The following RBMS3 variants were observed in gnomAD, a reference collection of about 807,000 sequenced individuals.
RBMS3 encodes RNA binding motif single stranded interacting protein 3.
RBMS3 carries 27 observed loss-of-function variants against 66.8 expected under a neutral mutation model. The ratio of observed to expected loss-of-function variants is 0.40; its 90% confidence interval spans 0.30 to 0.56. RBMS3 has a LOEUF of 0.56. Among genes scored for constraint, RBMS3 ranks in the 20% least tolerant of loss-of-function variants. The pLI is 0.40. For missense variants in RBMS3, 513 were observed against 549.5 expected, an observed-to-expected ratio of 0.93 and a Z score of 0.66; for synonymous variants, 188 against 183.0, an observed-to-expected ratio of 1.03 and a Z score of -0.22.
chr3:29,360,154 G>C (rs2037483794), intron 1 of RBMS3, among the ~76,000 whole-genome samples: 1 of 151,890 alleles, frequency 6.6e-6, no homozygotes, highest in South Asian at 2.1e-4. Context: ...GTCAATTTTA[G>C]ATCTTTTCTG....
At chr3:29,951,467 TAG>T (rs1365380666) in intron 12 of RBMS3, among the ~76,000 whole-genome samples, 6 of 120,524 alleles carry the variant, frequency 5.0e-5, no homozygotes, top group Non-Finnish European at 1.0e-4. Flanking sequence ...TCCTTAAGAG[TAG>T]AGAGTATATA....
intron 6 of RBMS3, among the ~76,000 whole-genome samples, chr3:29,827,031 G>A (rs1280573941): frequency 6.6e-6 from 1 of 152,072 alleles, no homozygotes; most frequent in Non-Finnish European, 1.5e-5. Flanking sequence ...CACAGAATTT[G>A]GAATTAGAAT....
intron 4 of RBMS3, among the ~76,000 whole-genome samples, chr3:29,626,759 CA>C (rs2049077354): frequency 3.9e-5 from 6 of 152,068 alleles, no homozygotes; most frequent in Admixed American, 3.9e-4. Context: ...GTAAATAGAA[CA>C]AGGACATAGT....
chr3:29,621,856 A>C (rs1229072402), intron 4 of RBMS3, among the ~76,000 whole-genome samples: 1 of 152,154 alleles, frequency 6.6e-6, no homozygotes, highest in Non-Finnish European at 1.5e-5. Flanking sequence ...AAAGAAAAAA[A>C]CCCACTTTAT....
intron 14 of RBMS3, among the ~76,000 whole-genome samples, chr3:30,002,505 G>C (rs1354798666): frequency 6.6e-6 from 1 of 152,004 alleles, no homozygotes; most frequent in Non-Finnish European, 1.5e-5. Context: ...GCTAGAGACA[G>C]TTAAAATATA....
intron 6 of RBMS3, among the ~76,000 whole-genome samples, chr3:29,820,443 G>C (rs1175575053): frequency 1.3e-5 from 2 of 151,862 alleles, no homozygotes; most frequent in East Asian, 3.9e-4. Flanking sequence ...CTATTTGATA[G>C]ATTCCATGTT....
At chr3:29,985,840 G>T (rs1321519860) in intron 12 of RBMS3, among the ~76,000 whole-genome samples, 1 of 152,070 alleles carries the variant, frequency 6.6e-6, no homozygotes, top group African/African-American at 2.4e-5. Context: ...TACTACCTAG[G>T]AACTCCAGTT....
intron 6 of RBMS3, among the ~76,000 whole-genome samples, chr3:29,811,703 G>A (rs1307009749): frequency 6.6e-6 from 1 of 152,148 alleles, no homozygotes; most frequent in Admixed American, 6.6e-5. Flanking sequence ...CTAAGCAGAT[G>A]TCCAACTAGT....
At chr3:29,767,108 A>C (rs1213252855) in intron 6 of RBMS3, 1 of 151,934 alleles carries the variant, frequency 6.6e-6, no homozygotes, top group Non-Finnish European at 1.5e-5. Flanking sequence ...AATCTCTGGC[A>C]AAAGCAAAGG....
intron 12 of RBMS3, among the ~76,000 whole-genome samples, chr3:29,967,374 C>A (rs1464461898): frequency 6.6e-6 from 1 of 152,202 alleles, no homozygotes; most frequent in African/African-American, 2.4e-5. Flanking sequence ...GGCCTCACTG[C>A]AACCTCTGCC....
intron 14 of RBMS3, among the ~76,000 whole-genome samples, chr3:29,996,200 TTCAACAAGAAGAGC>T (rs1361804005): frequency 6.7e-6 from 1 of 150,166 alleles, no homozygotes; most frequent in Admixed American, 6.6e-5. Context: ...AAGGGATCAA[TTCAACAAGAAGAGC>T]TAACTATCCT....
intron 1 of RBMS3, among the ~76,000 whole-genome samples, chr3:29,367,015 G>T (rs2037947589): frequency 6.6e-6 from 1 of 152,050 alleles, no homozygotes; most frequent in South Asian, 2.1e-4. Context: ...ATGATCTTTG[G>T]TAACACATGG....
intron 6 of RBMS3, among the ~76,000 whole-genome samples, chr3:29,861,008 C>T (rs1258011189): frequency 2.6e-5 from 4 of 152,216 alleles, no homozygotes; most frequent in South Asian, 4.1e-4. Flanking sequence ...CAACTACAGG[C>T]GCCCGCCACC....
chr3:29,356,190 A>G (rs2037212669), intron 1 of RBMS3, among the ~76,000 whole-genome samples: 1 of 152,150 alleles, frequency 6.6e-6, no homozygotes, highest in African/African-American at 2.4e-5. Context: ...TAGACGTGGA[A>G]GGGTGTTTCA....
chr3:29,620,865 G>A (rs1043275131), intron 4 of RBMS3, among the ~76,000 whole-genome samples: 48 of 151,896 alleles, frequency 3.2e-4, no homozygotes, highest in Non-Finnish European at 5.6e-4. Flanking sequence ...TGAATTTTAC[G>A]GTTTTACTAA....
chr3:29,446,816 CT>C (rs968911757), intron 2 of RBMS3, among the ~76,000 whole-genome samples: 5 of 150,096 alleles, frequency 3.3e-5, no homozygotes, highest in African/African-American at 1.2e-4. Context: ...TTGAATTTGA[CT>C]TTAGGGTGAA....
chr3:29,753,159 T>A (rs1443150642), intron 5 of RBMS3, among the ~76,000 whole-genome samples: 1 of 152,178 alleles, frequency 6.6e-6, no homozygotes, highest in Non-Finnish European at 1.5e-5. Context: ...AACCTCAGGG[T>A]TGAGCCCTTT....
chr3:29,781,191 T>C (rs2056620508), intron 6 of RBMS3, among the ~76,000 whole-genome samples: 1 of 147,480 alleles, frequency 6.8e-6, no homozygotes. Flanking sequence ...CGCTTCCCCA[T>C]TGTGGTCAAG....
chr3:29,466,227 G>C (rs1380396286), intron 2 of RBMS3, among the ~76,000 whole-genome samples: 2 of 151,856 alleles, frequency 1.3e-5, no homozygotes, highest in African/African-American at 4.8e-5. Context: ...TAACAAGCAG[G>C]AGACACACAC....
Sources: gnomAD v4.1 joint callset for allele counts (sites outside exome capture counted in the v4.1 genomes callset) on GRCh38, gnomAD v4.1.1 for gene constraint, MANE v1.5 for transcripts, NCBI Gene and HGNC (gene_info 2026-07-23, HGNC 2026-07-21) for gene names.